The following ARL5B variants were observed in gnomAD, a reference collection of about 807,000 sequenced individuals.
ARL5B encodes the protein ARF like GTPase 5B.
A neutral mutation model predicts 26.9 loss-of-function variants in ARL5B; 10 were observed. The observed-to-expected ratio is 0.37, with a 90% CI of 0.23 to 0.63. ARL5B has a LOEUF of 0.63. Ranked by LOEUF, ARL5B falls within the 30% of genes least tolerant of loss-of-function variation. The pLI, the probability that ARL5B is intolerant of heterozygous loss-of-function variation, is 0.62. For missense variants in ARL5B, 167 were observed against 213.9 expected, an observed-to-expected ratio of 0.78 and a Z score of 1.37; for synonymous variants, 87 against 70.4, an observed-to-expected ratio of 1.24 and a Z score of -1.18.
chr10:18,661,788 A>G lies in ARL5B; in HGVS notation c.46+2105A>G, dbSNP rs868566369. Reference sequence around the variant, plus strand: ...GTGGCATGCTAGACAGACCGAATAGAAGGGACGTGTTATTCTAGGCAGAAG... The same window carrying G: ...GTGGCATGCTAGACAGACCGAATAGGAGGGACGTGTTATTCTAGGCAGAAG... On this transcript the variant is annotated intron_variant, in intron 1 of 5. Transcript: ENST00000377275. Among the ~76,000 whole-genome samples, 59 of 152,344 alleles carry G rather than the reference A, an allele frequency of 3.9e-4. 1 individual carries two copies. Among genetic ancestry groups the G allele is most frequent in the African/African-American group, 1.4e-3 (58 of 41,572 alleles).
intron 1 of ARL5B, among the ~76,000 whole-genome samples, chr10:18,663,227 C>CG (rs2059844886): frequency 6.6e-6 from 1 of 151,634 alleles, no homozygotes; most frequent in Non-Finnish European, 1.5e-5. Flanking sequence ...AGGCTGGCCT[C>CG]GAACTCCTGA....
At chr10:18,666,488 A>G in intron 1 of ARL5B, 87 bp from the exon 2 acceptor site, 1 of 1,085,766 alleles carries the variant, frequency 9.2e-7, no homozygotes, top group South Asian at 1.7e-5. Context: ...ATTCTCATTA[A>G]TGAGCTAACT....
chr10:18,662,036 A>T lies in ARL5B; in HGVS notation c.46+2353A>T, dbSNP rs565618128. 1.5e-4 allele frequency among the ~76,000 whole-genome samples: 23 copies of T among 152,332 alleles called. No homozygotes were observed. The South Asian group carries it at 4.8e-3, about 32-fold the overall frequency. On this transcript the variant is annotated intron_variant, in intron 1 of 5. Coordinates refer to ENST00000377275, the MANE Select transcript of ARL5B (RefSeq NM_178815.5). ...ACTCACTGAAGGGTTTAATCCACAGATGTATCTTAGCCTATATTTTTGTTT... is the reference window on the plus strand; with the variant it reads ...ACTCACTGAAGGGTTTAATCCACAGTTGTATCTTAGCCTATATTTTTGTTT...
At chr10:18,675,110 C>T (rs527750671) in intron 5 of ARL5B, 58 bp from the exon 6 acceptor site, 76 of 1,509,286 alleles carry the variant, frequency 5.0e-5, no homozygotes, top group South Asian at 2.2e-4. Context: ...ATAATAAGTA[C>T]GCTTTCAGTT....
chr10:18,662,400 G>A (rs1339695335), intron 1 of ARL5B, among the ~76,000 whole-genome samples: 1 of 152,086 alleles, frequency 6.6e-6, no homozygotes, highest in Non-Finnish European at 1.5e-5. Flanking sequence ...TAAAGCGTGT[G>A]TTGTCTAAGT....
intron 2 of ARL5B, among the ~76,000 whole-genome samples, chr10:18,666,937 C>T (rs948753962): frequency 6.6e-6 from 1 of 152,160 alleles, no homozygotes; most frequent in Non-Finnish European, 1.5e-5. Context: ...GTTCTTACCC[C>T]ACTTGGGTTT....
chr10:18,660,575 A>G lies in ARL5B; in HGVS notation c.46+892A>G, dbSNP rs542785230. ...TTTATTTCCTTTTATGTTGGTACCA[A>G]TTTGTTACTGCTAATGTAGGTATCT... On this transcript the variant is annotated intron_variant, in intron 1 of 5. Coordinates refer to ENST00000377275, the MANE Select transcript of ARL5B (RefSeq NM_178815.5). Among the ~76,000 whole-genome samples the G allele has an allele frequency of 7.2e-5, 11 of 151,890 alleles. No homozygotes were observed. In the East Asian group the frequency reaches 1.9e-3, roughly 27 times the overall value.
chr10:18,673,637 C>T (rs965757215), intron 4 of ARL5B, among the ~76,000 whole-genome samples: 4 of 151,866 alleles, frequency 2.6e-5, no homozygotes, highest in African/African-American at 9.7e-5. Flanking sequence ...TAAGTATTGC[C>T]CAGCTCCCAC....
At chr10:18,667,960 C>T (rs1222130360) in intron 2 of ARL5B, among the ~76,000 whole-genome samples, 1 of 152,022 alleles carries the variant, frequency 6.6e-6, no homozygotes, top group East Asian at 1.9e-4. Flanking sequence ...GGTGATCCAC[C>T]CAAAGTGCTA....
At chr10:18,659,802 C>A (rs1042920663) in intron 1 of ARL5B, 119 bp downstream of exon 1, 1 of 1,520,280 alleles carries the variant, frequency 6.6e-7, no homozygotes, top group Admixed American at 2.1e-5. Flanking sequence ...GGGACTTAGG[C>A]CAGGGGGCGG....
intron 4 of ARL5B, 94 bp from the exon 5 acceptor site, chr10:18,673,890 A>T: frequency 8.7e-7 from 1 of 1,148,488 alleles, no homozygotes; most frequent in East Asian, 2.8e-5. Context: ...GTGCCCGATT[A>T]TGTTAAAGTA....
intron 3 of ARL5B, among the ~76,000 whole-genome samples, chr10:18,669,641 G>T (rs2059877668): frequency 6.6e-6 from 1 of 151,528 alleles, no homozygotes; most frequent in Non-Finnish European, 1.5e-5. Context: ...CCATTTAATT[G>T]TTCTTTGCAA....
chr10:18,678,329 C>T lies in ARL5B; in HGVS notation c.*3113C>T, dbSNP rs1454982780. On this transcript the variant is annotated 3_prime_UTR_variant, in exon 6 of 6. Transcript: ENST00000377275. ...TGAAAAATTTTAAATGAGTGCCACC[C>T]CATAGCCATAGTCATTTTGATTAAG... is the stretch of plus-strand genomic sequence containing the variant. 2.6e-5 allele frequency: 4 copies of T among 151,712 alleles called. No homozygotes were observed. Among genetic ancestry groups the T allele is most frequent in the African/African-American group, 7.2e-5 (3 of 41,482 alleles). The allele number at this position is 151,712 out of a possible 1,614,324, so 9.4% of individuals were successfully genotyped here. A position where few individuals can be genotyped will look rare whatever the true frequency, so the allele number is the denominator to read the frequency against.
chr10:18,661,045 C>T (rs951637503), intron 1 of ARL5B, among the ~76,000 whole-genome samples: 2 of 152,052 alleles, frequency 1.3e-5, no homozygotes, highest in African/African-American at 2.4e-5. Flanking sequence ...GACAGGGTTT[C>T]GCCATGTTGG....
At position 18,666,627 on chromosome 10, in the gene ARL5B, T is replaced by A; in HGVS notation, c.99T>A (p.Leu33=). 1 of 1,607,656 alleles carries A rather than the reference T, an allele frequency of 6.2e-7. No individual in the cohort carries two copies. The highest frequency in any genetic ancestry group is 1.1e-5 in the South Asian group (1 of 89,894). Residue 33 remains leucine, a synonymous_variant, in exon 2 of 6, where the codon CTT becomes CTA. Transcript: ENST00000377275. ...ATAATGCAGGGAAAACCACCATTCT[T>A]TACCAATTGTAAGTATGGGTGTTTA... ...GLDNAGKTTI[L]YQFLMNEVVH... is the part of the protein sequence containing the mutation.
intron 4 of ARL5B, 31 bp from the exon 5 acceptor site, chr10:18,673,953 A>C: frequency 6.4e-7 from 1 of 1,570,902 alleles, no homozygotes; most frequent in Non-Finnish European, 8.6e-7. Context: ...GTGGTATTTC[A>C]CATATTAGAA....
chr10:18,668,810 G>T, intron 3 of ARL5B, 133 bp downstream of exon 3: 2 of 967,074 alleles, frequency 2.1e-6, no homozygotes, highest in East Asian at 3.0e-5. Context: ...TTGCTCTGTC[G>T]CCAGGCTAGA....
At chr10:18,662,863 C>T (rs922063772) in intron 1 of ARL5B, among the ~76,000 whole-genome samples, 11 of 151,586 alleles carry the variant, frequency 7.3e-5, no homozygotes, top group South Asian at 2.1e-4. Context: ...ACCACCACTC[C>T]GGCTAATTTT....
intron 1 of ARL5B, among the ~76,000 whole-genome samples, chr10:18,661,953 A>C (rs908182986): frequency 1.2e-4 from 18 of 152,226 alleles, no homozygotes; most frequent in African/African-American, 4.3e-4. Context: ...GGAGAACCTT[A>C]TCACAGAGGG....
Sources: allele counts gnomAD v4.1 joint callset (sites outside exome capture counted in the v4.1 genomes callset), GRCh38; gene constraint gnomAD v4.1.1; transcripts MANE v1.5; gene names NCBI Gene and HGNC (gene_info 2026-07-23, HGNC 2026-07-21).